Variants in TXNDC16 observed in about 807,000 individuals in gnomAD.
The protein encoded by TXNDC16 is thioredoxin domain containing 16, also known as thioredoxin domain-containing protein 16.
In TXNDC16, 74 loss-of-function variants were observed where a neutral mutation model predicts 85.6. The observed-to-expected ratio is 0.86, with a 90% CI of 0.72 to 1.05. The LOEUF is 1.05. Ranked by LOEUF, TXNDC16 falls within the 50% of genes least tolerant of loss-of-function variation. TXNDC16 has a pLI of 0.00. For synonymous variants in TXNDC16, 335 were observed against 326.5 expected, an observed-to-expected ratio of 1.03 and a Z score of -0.28; for missense variants, 959 against 947.0, an observed-to-expected ratio of 1.01 and a Z score of -0.17.
chr14:52,505,137 C>T (rs532893371), intron 9 of TXNDC16, among the ~76,000 whole-genome samples: 1 of 152,206 alleles, frequency 6.6e-6, no homozygotes, highest in South Asian at 2.1e-4. Context: ...CTTTAACACC[C>T]CACTGTCAAC....
chr14:52,474,673 T>C (rs2035981023), intron 14 of TXNDC16, among the ~76,000 whole-genome samples: 1 of 150,852 alleles, frequency 6.6e-6, no homozygotes, highest in African/African-American at 2.4e-5. Flanking sequence ...GAGGTTGCAG[T>C]GAGCTGAGAT....
At chr14:52,477,480 G>C (rs1183292930) in intron 14 of TXNDC16, among the ~76,000 whole-genome samples, 1 of 152,080 alleles carries the variant, frequency 6.6e-6, no homozygotes, top group Admixed American at 6.5e-5. Flanking sequence ...GGTGGAAAAA[G>C]ACATTCCATG....
chr14:52,519,032 G>A (rs2037148181), intron 7 of TXNDC16, 140 bp downstream of exon 7: 1 of 874,468 alleles, frequency 1.1e-6, no homozygotes, highest in Non-Finnish European at 1.7e-6. Context: ...CCCATTTAAA[G>A]AAAAATAGCT....
intron 9 of TXNDC16, among the ~76,000 whole-genome samples, chr14:52,502,759 C>A (rs1430980081): frequency 2.0e-5 from 3 of 152,136 alleles, no homozygotes; most frequent in African/African-American, 2.4e-5. Flanking sequence ...CCGAGCGTGA[C>A]CCGAAGCAGG....
intron 9 of TXNDC16, among the ~76,000 whole-genome samples, chr14:52,509,008 A>G (rs1441141239): frequency 6.6e-6 from 1 of 152,178 alleles, no homozygotes; most frequent in African/African-American, 2.4e-5. Context: ...ATATATATGT[A>G]ACAAACCTGC....
At chr14:52,518,255 A>C (rs549107450) in intron 7 of TXNDC16, among the ~76,000 whole-genome samples, 9 of 152,296 alleles carry the variant, frequency 5.9e-5, no homozygotes, top group African/African-American at 1.7e-4. Flanking sequence ...TCTCAAATTT[A>C]CTTCCCTAGT....
intron 20 of TXNDC16, among the ~76,000 whole-genome samples, chr14:52,436,549 C>T (rs182839640): frequency 6.6e-6 from 1 of 152,102 alleles, no homozygotes; most frequent in Admixed American, 6.5e-5. Context: ...ATTGTACACT[C>T]TAAAAGGGTG....
chr14:52,536,821 A>C (rs746781367), intron 5 of TXNDC16, 28 bp from the exon 6 acceptor site: 12 of 1,530,944 alleles, frequency 7.8e-6, no homozygotes, highest in Non-Finnish European at 9.8e-6. Context: ...ACATATTAAT[A>C]TTGAAAAATA....
rs548495498 is a variant in TXNDC16, at chr14:52,442,035, C to G, written c.1843-1311G>C. ...AACTTTGAGCAAAGCACTCTGTACC[C>G]CAGTTTTTAAATCTGTGAAATGAGG... On this transcript the variant is annotated intron_variant, in intron 18 of 20. Coordinates refer to ENST00000281741, the MANE Select transcript of TXNDC16 (RefSeq NM_020784.3). Among the ~76,000 whole-genome samples, 12 of 151,900 alleles carry G rather than the reference C, an allele frequency of 7.9e-5. 1 individual carries two copies. The highest frequency in any genetic ancestry group is 7.2e-4 in the Admixed American group (11 of 15,248).
chr14:52,549,807 T>A (rs374292634), intron 1 of TXNDC16, among the ~76,000 whole-genome samples: 3 of 152,038 alleles, frequency 2.0e-5, no homozygotes, highest in African/African-American at 7.2e-5. Flanking sequence ...CTGGCTAATG[T>A]TTTGTATTTT....
intron 4 of TXNDC16, among the ~76,000 whole-genome samples, chr14:52,542,077 A>G (rs1261094679): frequency 3.3e-5 from 5 of 152,308 alleles, no homozygotes; most frequent in African/African-American, 1.2e-4. Context: ...AAACAGAACA[A>G]AAACCTAACT....
At position 52,439,247 on chromosome 14, in the gene TXNDC16, T is replaced by C. The variant is rs142488571; in HGVS notation, c.2151A>G (p.Val717=). 37 of 1,614,076 alleles carry C rather than the reference T, an allele frequency of 2.3e-5. No homozygotes were observed. In the African/African-American group the frequency reaches 4.7e-4, roughly 20 times the overall value. ...SDQAIIEENL[V]LWLKKLEAGL... ...CTGCTTCTAATTTCTTCAGCCACAATACAAGGTTTTCTTCAATTATAGCCT... is the reference window on the plus strand; with the variant it reads ...CTGCTTCTAATTTCTTCAGCCACAACACAAGGTTTTCTTCAATTATAGCCT... The change falls in exon 20 of 21, where the codon GTA becomes GTG. Residue 717 remains valine (V), a synonymous_variant. Transcript: ENST00000281741.
chr14:52,490,959 T>A lies in TXNDC16; in HGVS notation c.803A>T (p.Gln268Leu). Residue 268 changes from glutamine (Q) to leucine (L), a missense_variant, in exon 10 of 21, where the codon CAA (glutamine) becomes CTA (leucine). By Grantham distance (113) the Gln-to-Leu change is moderately radical (BLOSUM62 -2). Coordinates refer to ENST00000281741, the MANE Select transcript of TXNDC16 (RefSeq NM_020784.3). ...AATAAAAACCAGTGGTAAGCCCAGT[T>A]GGAGATGGACAGTTGAAACTTGTTG... Reference protein sequence around the residue: ...DPQQVSTVHLQLGLPLVFIVS... With the variant: ...DPQQVSTVHLLLGLPLVFIVS... 1 of 1,610,524 alleles carries A rather than the reference T, an allele frequency of 6.2e-7. No homozygotes were observed. The highest frequency in any genetic ancestry group is 1.1e-5 in the South Asian group (1 of 90,692).
intron 1 of TXNDC16, among the ~76,000 whole-genome samples, chr14:52,544,654 A>G (rs1050796685): frequency 1.7e-4 from 26 of 152,006 alleles, no homozygotes; most frequent in African/African-American, 6.3e-4. Context: ...TGCTCATTCA[A>G]TATTATCAAT....
intron 18 of TXNDC16, among the ~76,000 whole-genome samples, chr14:52,448,963 C>T (rs374104178): frequency 1.3e-5 from 2 of 151,634 alleles, no homozygotes; most frequent in Admixed American, 1.3e-4. Context: ...CAAATACACA[C>T]AAAAAAATTT....
chr14:52,552,034 G>C (rs1024709154), intron 1 of TXNDC16, among the ~76,000 whole-genome samples: 1 of 152,180 alleles, frequency 6.6e-6, no homozygotes, highest in African/African-American at 2.4e-5. Context: ...GCCTTGGGAG[G>C]AAAGGGTCTT....
chr14:52,507,293 A>C (rs1189449741), intron 9 of TXNDC16, among the ~76,000 whole-genome samples: 1 of 152,210 alleles, frequency 6.6e-6, no homozygotes, highest in Non-Finnish European at 1.5e-5. Context: ...GAGCCAAATC[A>C]TGAGTGAACT....
chr14:52,485,200 A>AT (rs1202358192), intron 12 of TXNDC16, among the ~76,000 whole-genome samples: 2 of 152,210 alleles, frequency 1.3e-5, no homozygotes, highest in Admixed American at 6.5e-5. Flanking sequence ...AGCCTAGGCT[A>AT]ATGTGTGTGT....
chr14:52,514,132 C>A (rs1367207910), intron 8 of TXNDC16, among the ~76,000 whole-genome samples: 1 of 152,162 alleles, frequency 6.6e-6, no homozygotes, highest in Non-Finnish European at 1.5e-5. Flanking sequence ...CTCTCCTTCC[C>A]TCAAAAGTCA....
Sources: allele counts gnomAD v4.1 joint callset (sites outside exome capture counted in the v4.1 genomes callset), GRCh38; gene constraint gnomAD v4.1.1; transcripts MANE v1.5; gene names NCBI Gene and HGNC (gene_info 2026-07-23, HGNC 2026-07-21).